Variants in SCN8A observed in about 807,000 individuals in gnomAD.
The protein encoded by SCN8A is sodium voltage-gated channel alpha subunit 8.
Under a neutral mutation model 184.1 loss-of-function variants are expected in SCN8A, and 30 were observed. The observed-to-expected ratio is 0.16, with a 90% CI of 0.12 to 0.22. SCN8A has a LOEUF of 0.22. Ranked by LOEUF, SCN8A falls within the 10% of genes least tolerant of loss-of-function variation. The probability of loss-of-function intolerance (pLI) is 1.00; values close to 1 mark genes in which losing one functional copy is unlikely to be tolerated. For missense variants in SCN8A, 1,057 were observed against 2,498.9 expected, an observed-to-expected ratio of 0.42 and a Z score of 12.30; for synonymous variants, 852 against 907.0, an observed-to-expected ratio of 0.94 and a Z score of 1.09.
chr12:51,755,628 T>TGAA (rs1592144825), intron 14 of SCN8A, among the ~76,000 whole-genome samples: 16 of 150,078 alleles, frequency 1.1e-4, no homozygotes, highest in South Asian at 2.1e-4. Context: ...AATAGAAAAC[T>TGAA]AAAAAAAAAG....
At chr12:51,795,861 A>G (rs887669062) in intron 26 of SCN8A, among the ~76,000 whole-genome samples, 2 of 149,610 alleles carry the variant, frequency 1.3e-5, no homozygotes, top group Admixed American at 6.6e-5. Flanking sequence ...CCTGGGCAAC[A>G]TGATAAAACT....
At chr12:51,712,534 G>T (rs893764169) in intron 11 of SCN8A, 7 of 774,654 alleles carry the variant, frequency 9.0e-6, no homozygotes, top group African/African-American at 1.7e-5. Flanking sequence ...GACTGCCCGA[G>T]CTTCTTCCAC....
intron 1 of SCN8A, among the ~76,000 whole-genome samples, chr12:51,609,966 G>A (rs1322635420): frequency 6.6e-6 from 1 of 150,952 alleles, no homozygotes. Context: ...AAAACTTAAA[G>A]TATAATAAAA....
In SCN8A at chr12:51,777,506, GA is replaced by G. The variant is rs564504269; in HGVS notation, c.3820-3141del. ...TTTTAGGTTTGATTCTTTCCTTAAAGAATACTTTAAGCAATGTTAGGATTAT... is the reference window on the plus strand; with the variant it reads ...TTTTAGGTTTGATTCTTTCCTTAAAGATACTTTAAGCAATGTTAGGATTAT... On this transcript the variant is annotated intron_variant, in intron 20 of 26. Coordinates refer to ENST00000627620, the MANE Select transcript of SCN8A (RefSeq NM_001330260.2). Among the ~76,000 whole-genome samples, 784 of 152,152 alleles carry G rather than the reference GA, an allele frequency of 5.2e-3. 5 individuals carry two copies. The highest frequency in any genetic ancestry group is 0.017 in the African/African-American group (718 of 41,490).
chr12:51,734,211 C>A (rs542240653), intron 12 of SCN8A, among the ~76,000 whole-genome samples: 1 of 152,046 alleles, frequency 6.6e-6, no homozygotes, highest in African/African-American at 2.4e-5. Context: ...GAGACCAGCT[C>A]GGTTGGGGAG....
At chr12:51,670,108 T>G (rs1341051155) in intron 2 of SCN8A, among the ~76,000 whole-genome samples, 1 of 152,216 alleles carries the variant, frequency 6.6e-6, no homozygotes, top group Non-Finnish European at 1.5e-5. Context: ...TTGAGATAAA[T>G]GCTTTGAGAC....
chr12:51,639,879 C>CTTTTATTTTTTTT (rs1940407036), intron 1 of SCN8A, among the ~76,000 whole-genome samples: 1 of 15,078 alleles, frequency 6.6e-5, no homozygotes, highest in Non-Finnish European at 1.1e-4. Flanking sequence ...AAGGTATATG[C>CTTTTATTTTTTTT]TTTTTTTTTT....
intron 12 of SCN8A, among the ~76,000 whole-genome samples, chr12:51,732,346 T>G (rs1313177976): frequency 6.6e-6 from 1 of 152,222 alleles, no homozygotes; most frequent in Non-Finnish European, 1.5e-5. Flanking sequence ...CCAGTGTTTA[T>G]TCTTGGCGCT....
chr12:51,603,046 TGAAA>T (rs1939502150), intron 1 of SCN8A, among the ~76,000 whole-genome samples: 1 of 152,310 alleles, frequency 6.6e-6, no homozygotes, highest in East Asian at 1.9e-4. Context: ...ACAGTAAAAT[TGAAA>T]CAAATCTTGG....
At chr12:51,659,458 T>C (rs1359375278) in intron 1 of SCN8A, among the ~76,000 whole-genome samples, 1 of 152,210 alleles carries the variant, frequency 6.6e-6, no homozygotes, top group East Asian at 1.9e-4. Context: ...TATTGTATTA[T>C]ACCTTCAAAA....
chr12:51,652,022 A>G lies in SCN8A; in HGVS notation c.-54-10742A>G, dbSNP rs906041576. On this transcript the variant is annotated intron_variant, in intron 1 of 26. Coordinates refer to ENST00000627620, the MANE Select transcript of SCN8A (RefSeq NM_001330260.2). ...CAAGAAGACTAAATAAATAGCAAGT[A>G]TGGATGAGAAAAAAAATCATTCCCT... Among the ~76,000 whole-genome samples, 3 of 152,228 alleles carry G rather than the reference A, an allele frequency of 2.0e-5. No individual in the cohort carries two copies. In the South Asian group the frequency reaches 6.2e-4, roughly 32 times the overall value.
chr12:51,716,500 G>C (rs1941967073), intron 11 of SCN8A, among the ~76,000 whole-genome samples: 1 of 152,208 alleles, frequency 6.6e-6, no homozygotes, highest in African/African-American at 2.4e-5. Context: ...AATGGAGCGT[G>C]CACTGGAAAC....
intron 1 of SCN8A, among the ~76,000 whole-genome samples, chr12:51,629,558 CA>C (rs1940152890): frequency 1.7e-5 from 2 of 117,972 alleles, no homozygotes; most frequent in Non-Finnish European, 3.3e-5. Context: ...TTTTGTTTTG[CA>C]AGTGAATTCT....
In SCN8A at chr12:51,780,676, G is replaced by C; in HGVS notation, c.3847G>C (p.Ala1283Pro). The C allele has an allele frequency of 6.6e-7, 1 of 1,519,630 alleles. No individual in the cohort carries two copies. Among genetic ancestry groups the C allele is most frequent in the Non-Finnish European group, 8.8e-7 (1 of 1,132,442 alleles). The allele number at this position is 1,519,630 out of a possible 1,614,324, so 94.1% of individuals were successfully genotyped here. A position where few individuals can be genotyped will look rare whatever the true frequency, so the allele number is the denominator to read the frequency against. Residue 1283 changes from alanine to proline, a missense_variant, in exon 21 of 27, where the codon GCC (alanine) becomes CCC (proline). This residue lies in a region of SCN8A where 43 missense variants were observed against 118.4 expected (regional missense o/e 0.36). Transcript: ENST00000627620. ...CTCTTTAGTCAGCCTTATAGCTAAT[G>C]CCCTGGGCTACTCGGAACTAGGTGC... ...AVSLVSLIAN[A>P]LGYSELGAIK...
chr12:51,793,843 T>C (rs1938334567), intron 25 of SCN8A, among the ~76,000 whole-genome samples: 1 of 143,562 alleles, frequency 7.0e-6, no homozygotes, highest in South Asian at 2.3e-4. Flanking sequence ...GTAAGACCCG[T>C]CTCTAAAAAC....
chr12:51,711,672 A>G (rs1256590760), intron 11 of SCN8A, among the ~76,000 whole-genome samples: 1 of 149,108 alleles, frequency 6.7e-6, no homozygotes, highest in Non-Finnish European at 1.5e-5. Context: ...AACATAGTTC[A>G]GTTATGTGTC....
chr12:51,780,595 TTTTTTTTTTGGTTACC>T, intron 20 of SCN8A, 38 bp from the exon 21 acceptor site: 1 of 351,952 alleles, frequency 2.8e-6, no homozygotes, highest in Non-Finnish European at 4.7e-6. Context: ...TTTTTTTTTT[TTTTTTTTTTGGTTACC>T]TTTTTTGTTT....
intron 18 of SCN8A, 175 bp from the exon 19 acceptor site, chr12:51,770,354 G>A (rs1313571051): frequency 1.8e-5 from 13 of 714,364 alleles, no homozygotes; most frequent in Middle Eastern, 4.0e-4. Context: ...AGCCTTTGCA[G>A]CATAGCCCCA....
intron 11 of SCN8A, among the ~76,000 whole-genome samples, chr12:51,717,170 G>A (rs1045895958): frequency 6.6e-6 from 1 of 152,206 alleles, no homozygotes; most frequent in Non-Finnish European, 1.5e-5. Flanking sequence ...GGGAACGGAA[G>A]TAACGAACTC....
Sources: allele counts gnomAD v4.1 joint callset (sites outside exome capture counted in the v4.1 genomes callset), GRCh38; gene constraint gnomAD v4.1.1; regional missense constraint gnomAD v4.1.1; transcripts MANE v1.5; gene names NCBI Gene and HGNC (gene_info 2026-07-23, HGNC 2026-07-21).